PTPRT: variants seen among roughly 807,000 people sequenced by gnomAD.
PTPRT encodes protein tyrosine phosphatase receptor type T.
Under a neutral mutation model 176.8 loss-of-function variants are expected in PTPRT, and 56 were observed. That is an observed-to-expected ratio of 0.32 (90% CI 0.26 to 0.40). The LOEUF (loss-of-function observed/expected upper bound fraction) is 0.40, where lower values mean the gene tolerates loss of function less well. Among genes scored for constraint, PTPRT ranks in the 10% least tolerant of loss-of-function variants. The pLI, the probability that PTPRT is intolerant of heterozygous loss-of-function variation, is 1.00. For missense variants in PTPRT, 1,540 were observed against 1,908.2 expected (o/e 0.81, Z 3.60); for synonymous variants, 783 against 739.0 (o/e 1.06, Z -0.96).
chr20:42,180,788 C>A (rs1236045099), intron 16 of PTPRT, among the ~76,000 whole-genome samples: 1 of 152,054 alleles, frequency 6.6e-6, no homozygotes, highest in Non-Finnish European at 1.5e-5. Context: ...CACCACTGTC[C>A]CAGTATGCCA....
At chr20:43,187,183 C>T (rs1395403768) in intron 1 of PTPRT, among the ~76,000 whole-genome samples, 1 of 152,112 alleles carries the variant, frequency 6.6e-6, no homozygotes, top group African/African-American at 2.4e-5. Context: ...CATATTAGCC[C>T]AACTATGTTA....
At chr20:42,738,667 G>A (rs755982234) in intron 6 of PTPRT, among the ~76,000 whole-genome samples, 9 of 152,156 alleles carry the variant, frequency 5.9e-5, no homozygotes, top group Non-Finnish European at 1.0e-4. Flanking sequence ...GATTACTGGG[G>A]CATAACAGGT....
chr20:42,653,511 G>C (rs2075069156), intron 7 of PTPRT, among the ~76,000 whole-genome samples: 2 of 152,154 alleles, frequency 1.3e-5, no homozygotes, highest in South Asian at 2.1e-4. Context: ...CAAATTCATG[G>C]CAGCAGGCAG....
At position 42,161,336 on chromosome 20, in the gene PTPRT, C is replaced by A. The variant is rs772565075; in HGVS notation, c.2682+16G>T. 6.8e-6 allele frequency: 11 copies of A among 1,613,912 alleles called. No individual in the cohort carries two copies. On this transcript the variant is annotated intron_variant, in intron 17 of 30. Coordinates refer to ENST00000373187, the MANE Select transcript of PTPRT (RefSeq NM_007050.6). ...CTGAAACTATCAGGAAGTTTCCCCA[C>A]AGGCTGGTCTCTTACCTCGTATTCC...
intron 6 of PTPRT, among the ~76,000 whole-genome samples, chr20:42,699,253 C>A (rs187277799): frequency 6.6e-6 from 1 of 152,288 alleles, no homozygotes; most frequent in East Asian, 1.9e-4. Context: ...TACATGGTCA[C>A]ATACACCAAA....
intron 9 of PTPRT, among the ~76,000 whole-genome samples, chr20:42,405,584 G>T (rs2058953856): frequency 6.6e-6 from 1 of 152,128 alleles, no homozygotes. Context: ...TCTTAATCCA[G>T]TCTATCATTG....
chr20:42,590,368 T>C lies in PTPRT; in HGVS notation c.1153+87498A>G, dbSNP rs373508305. Among the ~76,000 whole-genome samples, 28 of 152,312 alleles carry C rather than the reference T, an allele frequency of 1.8e-4. No individual in the cohort carries two copies. The East Asian group carries it at 2.1e-3, about 12-fold the overall frequency. On this transcript the variant is annotated intron_variant, in intron 7 of 30. Coordinates refer to ENST00000373187, the MANE Select transcript of PTPRT (RefSeq NM_007050.6). ...TAATGAAAAATACATTACTGTCTTA[T>C]GCCACTAAGGTTCTGGTGACTTAGC...
At chr20:42,350,000 C>T (rs1233952540) in intron 11 of PTPRT, among the ~76,000 whole-genome samples, 1 of 152,128 alleles carries the variant, frequency 6.6e-6, no homozygotes. Flanking sequence ...CTGGACCAGT[C>T]CCCAGGTCTT....
At chr20:42,398,027 C>A (rs146567501) in intron 9 of PTPRT, among the ~76,000 whole-genome samples, 1 of 152,162 alleles carries the variant, frequency 6.6e-6, no homozygotes, top group Admixed American at 6.6e-5. Flanking sequence ...GAAACTGAGG[C>A]TTGAAAAATG....
At chr20:42,240,221 T>C (rs1774244434) in intron 14 of PTPRT, among the ~76,000 whole-genome samples, 1 of 152,242 alleles carries the variant, frequency 6.6e-6, no homozygotes, top group South Asian at 2.1e-4. Flanking sequence ...TAATGGTAAC[T>C]GACAAACTTC....
intron 2 of PTPRT, among the ~76,000 whole-genome samples, chr20:42,869,254 G>T (rs1287753572): frequency 6.6e-6 from 1 of 152,130 alleles, no homozygotes; most frequent in Non-Finnish European, 1.5e-5. Flanking sequence ...TGAGACCTCA[G>T]ACCTGTAGAG....
chr20:42,276,738 A>G (rs2057046458), intron 13 of PTPRT, among the ~76,000 whole-genome samples: 1 of 151,100 alleles, frequency 6.6e-6, no homozygotes, highest in Non-Finnish European at 1.5e-5. Flanking sequence ...GAAGCTTCCT[A>G]TATAAAACAG....
At chr20:42,770,298 T>TAGAA (rs2145457896) in intron 5 of PTPRT, among the ~76,000 whole-genome samples, 1 of 152,302 alleles carries the variant, frequency 6.6e-6, no homozygotes, top group East Asian at 1.9e-4. Context: ...AATTTTTCTA[T>TAGAA]AGAAATAATT....
chr20:42,178,319 G>T (rs140187429), intron 16 of PTPRT, among the ~76,000 whole-genome samples: 1 of 152,156 alleles, frequency 6.6e-6, no homozygotes, highest in African/African-American at 2.4e-5. Context: ...CAAGTCATAA[G>T]GGAGTCAATG....
chr20:42,935,144 A>G (rs1371478035), intron 1 of PTPRT, among the ~76,000 whole-genome samples: 1 of 123,252 alleles, frequency 8.1e-6, no homozygotes, highest in Admixed American at 9.0e-5. Flanking sequence ...TGCTTTTGCC[A>G]TAATTTTTTT....
chr20:42,700,232 C>G (rs377129158), intron 6 of PTPRT, among the ~76,000 whole-genome samples: 2 of 152,150 alleles, frequency 1.3e-5, no homozygotes, highest in Non-Finnish European at 2.9e-5. Context: ...GAGAAGCCCA[C>G]GGAAGTCACC....
At chr20:42,192,532 G>A (rs1376331565) in intron 16 of PTPRT, among the ~76,000 whole-genome samples, 3 of 152,154 alleles carry the variant, frequency 2.0e-5, no homozygotes, top group Non-Finnish European at 2.9e-5. Context: ...AGAACAGGAA[G>A]AATATCAGGT....
In PTPRT at chr20:42,879,292, G is replaced by C. The variant is rs112063325; in HGVS notation, c.214+6515C>G. ...GGCCACGTTGTCTCCAAAAGCTCTA[G>C]AGAAGAACCCGTCAACTTGCCTTGC... On this transcript the variant is annotated intron_variant, in intron 2 of 30. Coordinates refer to ENST00000373187, the MANE Select transcript of PTPRT (RefSeq NM_007050.6). 2.5e-3 allele frequency among the ~76,000 whole-genome samples: 376 copies of C among 152,262 alleles called. 1 individual carries two copies. The highest frequency in any genetic ancestry group is 8.5e-3 in the African/African-American group (354 of 41,548).
At chr20:42,297,542 T>C (rs1432386547) in intron 12 of PTPRT, among the ~76,000 whole-genome samples, 1 of 152,144 alleles carries the variant, frequency 6.6e-6, no homozygotes, top group Non-Finnish European at 1.5e-5. Flanking sequence ...GACACTAAAA[T>C]TTATAGGGAA....
Sources: gnomAD v4.1 joint callset for allele counts (sites outside exome capture counted in the v4.1 genomes callset) on GRCh38, gnomAD v4.1.1 for gene constraint, MANE v1.5 for transcripts, NCBI Gene and HGNC (gene_info 2026-07-23, HGNC 2026-07-21) for gene names.